FAM221B: variants seen among roughly 807,000 people sequenced by gnomAD.
The protein encoded by FAM221B is family with sequence similarity 221 member B, also known as protein FAM221B.
In FAM221B, 35 loss-of-function variants were observed where a neutral mutation model predicts 39.8. The ratio of observed to expected loss-of-function variants is 0.88; its 90% CI spans 0.67 to 1.17. The LOEUF (loss-of-function observed/expected upper bound fraction) is 1.17. Among genes scored for constraint, FAM221B ranks in the 50% most tolerant of loss-of-function variants. The pLI, the probability that FAM221B is intolerant of heterozygous loss-of-function variation, is 0.00. For missense variants in FAM221B, 479 were observed against 503.1 expected (o/e 0.95, Z 0.46); for synonymous variants, 158 against 178.1 (o/e 0.89, Z 0.90).
intron 1 of FAM221B, among the ~76,000 whole-genome samples, 160 bp from the exon 2 acceptor site, chr9:35,826,321 G>A (rs1829358799): frequency 6.6e-6 from 1 of 152,216 alleles, no homozygotes; most frequent in Non-Finnish European, 1.5e-5. Flanking sequence ...GTCCTAGAGT[G>A]TGATGCCAAA....
chr9:35,828,516 G>A lies in FAM221B; in HGVS notation c.-54C>T, dbSNP rs1380575864. On this transcript the variant is annotated 5_prime_UTR_variant, in exon 1 of 7. Transcript: ENST00000423537. This position sits in a 1 kb window ranked among gnomAD's most constrained non-coding sequence, Gnocchi z 4.5. ...GTCCTTAGGTCAAGACCTTGACTTA[G>A]GATGGCAGGGGGAGGTGTTGATCCT... The A allele has an allele frequency of 1.0e-6, 1 of 985,394 alleles. No homozygotes were observed. Among genetic ancestry groups the A allele is most frequent in the Non-Finnish European group, 1.2e-6 (1 of 829,994 alleles). 61.0% of individuals were successfully genotyped at this position (985,394 alleles called of 1,614,324 possible). A position where few individuals can be genotyped will look rare whatever the true frequency, so the allele number is the denominator to read the frequency against.
chr9:35,821,131 G>T (rs1015406612), intron 3 of FAM221B, among the ~76,000 whole-genome samples: 1 of 152,222 alleles, frequency 6.6e-6, no homozygotes, highest in Non-Finnish European at 1.5e-5. Context: ...TCCTGTTGCA[G>T]TACACTGCAT....
rs553471185 is a variant in FAM221B at position 35,819,728 on chromosome 9, G to C, written c.853+162C>G. ...TCACTGTGTTAGCCAGGATGGTCTC[G>C]ATCTCCTGACCTTTGATCCACCCGC... is the stretch of plus-strand genomic sequence containing the variant. On this transcript the variant is annotated intron_variant, in intron 4 of 6. Coordinates refer to ENST00000423537, the MANE Select transcript of FAM221B (RefSeq NM_001012446.4). Among the ~76,000 whole-genome samples, 8 of 148,426 alleles carry C rather than the reference G, an allele frequency of 5.4e-5. No individual in the cohort carries two copies. In the East Asian group the frequency reaches 1.5e-3, roughly 29 times the overall value.
chr9:35,819,064 C>G (rs1829079029), intron 5 of FAM221B, 55 bp from the exon 6 acceptor site: 1 of 1,548,626 alleles, frequency 6.5e-7, no homozygotes, highest in Non-Finnish European at 8.7e-7. Context: ...TCCCCAGGAG[C>G]TGACCACATT....
At chr9:35,821,706 T>G (rs572101764) in intron 3 of FAM221B, 3 of 1,034,016 alleles carry the variant, frequency 2.9e-6, no homozygotes, top group Non-Finnish European at 4.1e-6. Flanking sequence ...CGGGGGGCAG[T>G]CAAGTCCAAG....
chr9:35,821,036 A>C (rs1181079188), intron 3 of FAM221B, among the ~76,000 whole-genome samples: 1 of 152,160 alleles, frequency 6.6e-6, no homozygotes, highest in Non-Finnish European at 1.5e-5. Context: ...GCTCAACTGA[A>C]ATGTCACCTC....
chr9:35,825,565 T>A lies in FAM221B; in HGVS notation c.597A>T (p.Leu199=), dbSNP rs766506704. 30 of 1,609,000 alleles carry A rather than the reference T, an allele frequency of 1.9e-5. No individual in the cohort carries two copies. The Admixed American group carries it at 5.0e-4, about 27-fold the overall frequency. The change falls in exon 2 of 7, where the codon CTA becomes CTT. Residue 199 remains leucine (L), a splice_region_variant and synonymous_variant. Transcript: ENST00000423537. The surrounding 1 kb of genome is among the most constrained non-coding windows in gnomAD (Gnocchi z 4.2). ...TAHTAQPGHQ[L]GNTARPVFPA... ...CTCCTTTCTTCTTCTTCTTCTTGCC[T>A]AGTTGGTGTCCAGGTTGGGCTGTGT...
At position 35,818,478 on chromosome 9, in the gene FAM221B, C is replaced by T; in HGVS notation, c.1200G>A (p.Arg400=). ...RGTDTVSNWH[R]PL ...CTGATCTGGGCCAGACTCACAAAGG[C>T]CTGTGCCAGTTGCTGACAGTGTCTG... The change falls in exon 7 of 7, where the codon AGG becomes AGA. Residue 400 remains arginine (R), a synonymous_variant. Transcript: ENST00000423537. 1 of 1,551,738 alleles carries T rather than the reference C, an allele frequency of 6.4e-7. No individual in the cohort carries two copies. The highest frequency in any genetic ancestry group is 8.7e-7 in the Non-Finnish European group (1 of 1,147,012).
rs1829026188 is a variant in FAM221B, at chr9:35,816,540, A to G, written c.*1929T>C. Reference sequence around the variant, plus strand: ...CTAACCCATGTGTAATCAATTTTTCATATTTTTACAGTCTACGTAAATATA... The same window carrying G: ...CTAACCCATGTGTAATCAATTTTTCGTATTTTTACAGTCTACGTAAATATA... On this transcript the variant is annotated 3_prime_UTR_variant, in exon 7 of 7. Transcript: ENST00000423537. 6.6e-6 allele frequency: 1 copy of G among 151,466 alleles called. No homozygotes were observed. The allele number at this position is 151,466 out of a possible 1,614,324, so 9.4% of individuals were successfully genotyped here. A position where few individuals can be genotyped will look rare whatever the true frequency, so the allele number is the denominator to read the frequency against.
chr9:35,822,352 G>C (rs1022209013), intron 3 of FAM221B, among the ~76,000 whole-genome samples: 3 of 152,124 alleles, frequency 2.0e-5, no homozygotes, highest in Non-Finnish European at 2.9e-5. Context: ...TACATCCACT[G>C]TTCCAATGGT....
chr9:35,819,624 C>G (rs1008790233), intron 4 of FAM221B, among the ~76,000 whole-genome samples: 29 of 152,128 alleles, frequency 1.9e-4, no homozygotes, highest in Non-Finnish European at 7.3e-5. Context: ...TCCTGAGTAG[C>G]TGGGACTACA....
chr9:35,820,486 T>C (rs375246114), intron 3 of FAM221B, among the ~76,000 whole-genome samples: 13 of 152,184 alleles, frequency 8.5e-5, no homozygotes, highest in African/African-American at 1.9e-4. Context: ...AGCATATTTA[T>C]TGAAGGTCCT....
rs1338890514 is a variant in FAM221B, at chr9:35,817,263, T to C, written c.*1206A>G. ...CAGTTTTCTCTACTTCAAGCACTTATCACCTTCACTTGCCCTCATCTGAAA... is the reference window on the plus strand; with the variant it reads ...CAGTTTTCTCTACTTCAAGCACTTACCACCTTCACTTGCCCTCATCTGAAA... On this transcript the variant is annotated 3_prime_UTR_variant, in exon 7 of 7. Transcript: ENST00000423537. The C allele has an allele frequency of 6.6e-6, 1 of 152,274 alleles. No individual in the cohort carries two copies. The highest frequency in any genetic ancestry group is 2.1e-4 in the South Asian group (1 of 4,832). 9.4% of individuals were successfully genotyped at this position (152,274 alleles called of 1,614,324 possible).
intron 3 of FAM221B, 80 bp from the exon 4 acceptor site, chr9:35,820,080 G>A (rs1829117002): frequency 2.0e-6 from 2 of 994,016 alleles, no homozygotes; most frequent in Non-Finnish European, 3.1e-6. Flanking sequence ...CTTGATGGAG[G>A]TGAGGGGGTG....
intron 3 of FAM221B, among the ~76,000 whole-genome samples, chr9:35,820,447 T>G (rs1829125860): frequency 6.6e-6 from 1 of 152,160 alleles, no homozygotes; most frequent in South Asian, 2.1e-4. Context: ...ATTGGCCAGA[T>G]GTACAGACAA....
At chr9:35,818,595 G>C (rs1297023810) in intron 6 of FAM221B, 89 bp from the exon 7 acceptor site, 7 of 1,326,214 alleles carry the variant, frequency 5.3e-6, no homozygotes, top group South Asian at 5.0e-5. Context: ...AGGGAGCCCC[G>C]GGGGACTAGG....
At position 35,825,148 on chromosome 9, in the gene FAM221B, G is replaced by A; in HGVS notation, c.742+82C>T. ...TTTCCAAAAGGGGAAGCTATCTGCT[G>A]AATGTTCAGGTTCCCAGATCTTTTG... On this transcript the variant is annotated intron_variant, in intron 3 of 6. Coordinates refer to ENST00000423537, the MANE Select transcript of FAM221B (RefSeq NM_001012446.4). This position sits in a 1 kb window ranked among gnomAD's most constrained non-coding sequence, Gnocchi z 4.2. The A allele has an allele frequency of 2.0e-6, 3 of 1,528,286 alleles. No homozygotes were observed. The highest frequency in any genetic ancestry group is 2.7e-6 in the Non-Finnish European group (3 of 1,118,476). 94.7% of individuals were successfully genotyped at this position (1,528,286 alleles called of 1,614,324 possible).
At chr9:35,818,750 G>T in intron 6 of FAM221B, 140 bp downstream of exon 6, 1 of 1,169,822 alleles carries the variant, frequency 8.5e-7, no homozygotes, top group Non-Finnish European at 1.2e-6. Context: ...GATGTGGGAT[G>T]CAGGTAGGTG....
At chr9:35,820,558 C>T (rs935794301) in intron 3 of FAM221B, among the ~76,000 whole-genome samples, 6 of 152,164 alleles carry the variant, frequency 3.9e-5, no homozygotes, top group Non-Finnish European at 7.3e-5. Context: ...CTTCCTCTCA[C>T]GTCTCCACGT....
Sources: allele counts gnomAD v4.1 joint callset (sites outside exome capture counted in the v4.1 genomes callset), GRCh38; gene constraint gnomAD v4.1.1; non-coding constraint Gnocchi (gnomAD v3.1); transcripts MANE v1.5; gene names NCBI Gene and HGNC (gene_info 2026-07-23, HGNC 2026-07-21).